Variants in ABHD4 observed in about 807,000 individuals in gnomAD.
ABHD4 encodes the protein (Lyso)-N-acylphosphatidylethanolamine lipase.
A neutral mutation model predicts 42.3 loss-of-function variants in ABHD4; 35 were observed. That is an observed-to-expected ratio of 0.83 (90% CI 0.63 to 1.10). The LOEUF is 1.10. Ranked by LOEUF, ABHD4 falls within the 50% of genes least tolerant of loss-of-function variation. The pLI, the probability that ABHD4 is intolerant of heterozygous loss-of-function variation, is 0.00. For missense variants in ABHD4, 389 were observed against 454.8 expected (o/e 0.86, Z 1.32); for synonymous variants, 169 against 170.6 (o/e 0.99, Z 0.07).
chr14:22,605,945 T>A, intron 4 of ABHD4: 1 of 770,124 alleles, frequency 1.3e-6, no homozygotes. Context: ...TTGTGTTTAG[T>A]TCACCTCTCC....
In ABHD4 at chr14:22,603,713, A is replaced by C; in HGVS notation, c.436A>C (p.Ser146Arg). The C allele has an allele frequency of 6.2e-7, 1 of 1,603,394 alleles. No homozygotes were observed. Among genetic ancestry groups the C allele is most frequent in the South Asian group, 1.1e-5 (1 of 89,414 alleles). ...GIPSMILLGHSLGGFLATSYS... is the reference protein window; with the variant it reads ...GIPSMILLGHRLGGFLATSYS... ...CCCCAGCATGATCCTCCTGGGGCAC[A>C]GTTTGGGAGGATTCCTGGCCACTTC... Residue 146 changes from serine to arginine, a missense_variant, in exon 3 of 7, where the codon AGT (serine) becomes CGT (arginine). This residue lies in a region of ABHD4 where 38 missense variants were observed against 72.1 expected (regional missense o/e 0.53). Coordinates refer to ENST00000428304, the MANE Select transcript of ABHD4 (RefSeq NM_022060.3).
intron 4 of ABHD4, chr14:22,605,916 C>T: frequency 1.9e-6 from 2 of 1,031,978 alleles, no homozygotes; most frequent in African/African-American, 1.6e-5. Flanking sequence ...TAAAACAGTG[C>T]CCTGAGTCTG....
intron 1 of ABHD4, chr14:22,600,159 A>T (rs780673979): frequency 5.0e-5 from 23 of 455,840 alleles, no homozygotes; most frequent in Non-Finnish European, 9.3e-5. Flanking sequence ...TCTGACACAG[A>T]AAAGCTAAAT....
chr14:22,608,557 T>C (rs1442892885), intron 5 of ABHD4, among the ~76,000 whole-genome samples: 1 of 152,246 alleles, frequency 6.6e-6, no homozygotes, highest in Admixed American at 6.5e-5. Context: ...TTTTTACTAC[T>C]ATAGTACTCA....
In ABHD4 at chr14:22,604,066, A is replaced by G; in HGVS notation, c.627A>G (p.Val209=). ...GRSNPLAVLR[V]AGPWGPGLVQ... is the part of the protein sequence containing the mutation. ...CCAATCCATTGGCTGTTCTTCGAGTAGCTGGGCCCTGGGGTGAGTAGCCTG... is the reference window on the plus strand; with the variant it reads ...CCAATCCATTGGCTGTTCTTCGAGTGGCTGGGCCCTGGGGTGAGTAGCCTG... Residue 209 remains valine, a synonymous_variant, in exon 4 of 7, where the codon GTA becomes GTG. Transcript: ENST00000428304. 1 of 1,614,196 alleles carries G rather than the reference A, an allele frequency of 6.2e-7. No individual in the cohort carries two copies. Among genetic ancestry groups the G allele is most frequent in the African/African-American group, 1.3e-5 (1 of 75,050 alleles).
rs1444908572 is a variant in ABHD4 at position 22,610,931 on chromosome 14, T to C, written c.1012T>C (p.Cys338Arg). 6.2e-7 allele frequency: 1 copy of C among 1,613,972 alleles called. No homozygotes were observed. The highest frequency in any genetic ancestry group is 8.5e-7 in the Non-Finnish European group (1 of 1,180,016). The stretch of plus-strand genomic sequence containing the variant: ...CTTCAATGCTGTGGTGGAGGAGATC[T>C]GCGACTCAGTTGATTGAGCTGCTCT... The part of the protein sequence containing the change: ...HIFNAVVEEI[C>R]DSVD Residue 338 changes from cysteine (C) to arginine (R), a missense_variant, in exon 7 of 7, where the codon TGC becomes CGC. Around this residue, in one of 3 missense-constraint regions of ABHD4, gnomAD observed 249 missense variants for 254.4 expected, o/e 0.98. Transcript: ENST00000428304.
intron 2 of ABHD4, 136 bp downstream of exon 2, chr14:22,601,891 T>C (rs1256134929): frequency 5.4e-6 from 4 of 739,116 alleles, no homozygotes; most frequent in East Asian, 5.4e-5. Context: ...AGGATGTCAG[T>C]TGTGTGAGGG....
At chr14:22,610,316 CA>C (rs1594894511) in intron 6 of ABHD4, among the ~76,000 whole-genome samples, 1 of 152,204 alleles carries the variant, frequency 6.6e-6, no homozygotes, top group East Asian at 1.9e-4. Flanking sequence ...CTTGGCCTCC[CA>C]AAGTGCTCGT....
intron 2 of ABHD4, among the ~76,000 whole-genome samples, chr14:22,603,117 G>T (rs1483965): frequency 0.089 from 13,586 of 152,302 alleles, 626 homozygotes; most frequent in Middle Eastern, 0.19. Flanking sequence ...TCCTGACTTT[G>T]CAGGATTCTT....
At chr14:22,600,576 T>TGAATATGCCAGTGTTCACA (rs944897465) in intron 1 of ABHD4, among the ~76,000 whole-genome samples, 4 of 152,198 alleles carry the variant, frequency 2.6e-5, no homozygotes, top group Admixed American at 6.5e-5. Flanking sequence ...TGCCCTACCT[T>TGAATATGCCAGTGTTCACA]GAATATGCCA....
chr14:22,599,722 T>G (rs2037260685), intron 1 of ABHD4, among the ~76,000 whole-genome samples: 1 of 152,216 alleles, frequency 6.6e-6, no homozygotes, highest in Non-Finnish European at 1.5e-5. Context: ...ATCCAGGTGT[T>G]ATGATCTGAC....
Position 22,601,756 on chromosome 14 carries a change from G to T in ABHD4, c.112+1G>T, listed in dbSNP as rs2037288344. The stretch of plus-strand genomic sequence containing the variant: ...AATGTGGAAGCCAGGATCCTCCAGT[G>T]TAAGTAGAATGGACAGCTTGTCCCA... On this transcript the variant is annotated splice_donor_variant, in intron 2 of 6. Transcript: ENST00000428304. LOFTEE classifies it high-confidence loss of function. The T allele has an allele frequency of 1.9e-6, 3 of 1,613,786 alleles. No homozygotes were observed. Among genetic ancestry groups the T allele is most frequent in the Non-Finnish European group, 2.5e-6 (3 of 1,179,806 alleles).
In ABHD4 at chr14:22,610,930, C is replaced by T. The variant is rs778474374; in HGVS notation, c.1011C>T (p.Ile337=). 9.9e-6 allele frequency: 16 copies of T among 1,613,952 alleles called. No individual in the cohort carries two copies. Among genetic ancestry groups the T allele is most frequent in the Non-Finnish European group, 1.4e-5 (16 of 1,180,026 alleles). The change falls in exon 7 of 7, where the codon ATC becomes ATT. Residue 337 remains isoleucine, a synonymous_variant. Coordinates refer to ENST00000428304, the MANE Select transcript of ABHD4 (RefSeq NM_022060.3). ...PHIFNAVVEE[I]CDSVD ...TCTTCAATGCTGTGGTGGAGGAGATCTGCGACTCAGTTGATTGAGCTGCTC... is the reference window on the plus strand; with the variant it reads ...TCTTCAATGCTGTGGTGGAGGAGATTTGCGACTCAGTTGATTGAGCTGCTC...
intron 6 of ABHD4, 72 bp downstream of exon 6, chr14:22,609,982 G>A (rs2037393074): frequency 3.3e-5 from 48 of 1,447,724 alleles, no homozygotes; most frequent in Non-Finnish European, 4.5e-5. Flanking sequence ...GGGTAGAGAA[G>A]GGTGATCAAG....
chr14:22,604,863 G>T (rs2037331434), intron 4 of ABHD4, among the ~76,000 whole-genome samples: 1 of 152,156 alleles, frequency 6.6e-6, no homozygotes, highest in African/African-American at 2.4e-5. Flanking sequence ...ATCCGCATCA[G>T]CCTCCCAAAG....
Position 22,610,929 on chromosome 14 carries a change from T to C in ABHD4, c.1010T>C (p.Ile337Thr). The C allele has an allele frequency of 6.2e-7, 1 of 1,614,062 alleles. No homozygotes were observed. The highest frequency in any genetic ancestry group is 8.5e-7 in the Non-Finnish European group (1 of 1,180,028). ...PHIFNAVVEEICDSVD is the reference protein window; with the variant it reads ...PHIFNAVVEETCDSVD ...ATCTTCAATGCTGTGGTGGAGGAGA[T>C]CTGCGACTCAGTTGATTGAGCTGCT... The change falls in exon 7 of 7, where the codon ATC becomes ACC. Residue 337 changes from isoleucine to threonine, a missense_variant. Physicochemically the swap from Ile to Thr is moderately conservative, Grantham distance 89. Transcript: ENST00000428304.
chr14:22,600,829 GGGGTGTGTGTGTGTGTGTGTGTGTGT>G (rs1397619448), intron 1 of ABHD4, among the ~76,000 whole-genome samples: 3 of 125,222 alleles, frequency 2.4e-5, no homozygotes, highest in African/African-American at 9.2e-5. Flanking sequence ...GTCCAGCAGG[GGGGTGTGTGTGTGTGTGTGTGTGTGT>G]GTGTGTGTGT....
chr14:22,599,925 C>G (rs942629879), intron 1 of ABHD4, among the ~76,000 whole-genome samples: 3 of 152,202 alleles, frequency 2.0e-5, no homozygotes, highest in African/African-American at 7.2e-5. Flanking sequence ...TCACTCCCAG[C>G]TGCAACCCCA....
At chr14:22,606,097 A>G (rs2037345823) in intron 4 of ABHD4, among the ~76,000 whole-genome samples, 1 of 152,202 alleles carries the variant, frequency 6.6e-6, no homozygotes. Context: ...AGAGCATCTC[A>G]GCCATGGATT....
Sources: allele counts gnomAD v4.1 joint callset (sites outside exome capture counted in the v4.1 genomes callset), GRCh38; gene constraint gnomAD v4.1.1; regional missense constraint gnomAD v4.1.1; transcripts MANE v1.5; gene names NCBI Gene and HGNC (gene_info 2026-07-23, HGNC 2026-07-21).